The following GRM7 variants were observed in gnomAD, a reference collection of about 807,000 sequenced individuals.
GRM7 encodes the protein glutamate metabotropic receptor 7.
A neutral mutation model predicts 84.5 loss-of-function variants in GRM7; 35 were observed. The ratio of observed to expected loss-of-function variants is 0.41; its 90% CI spans 0.32 to 0.55. GRM7 has a LOEUF of 0.55. Among genes scored for constraint, GRM7 ranks in the 20% least tolerant of loss-of-function variants. GRM7 has a pLI of 0.19. For synonymous variants in GRM7, 487 were observed against 455.1 expected, an observed-to-expected ratio of 1.07 and a Z score of -0.89; for missense variants, 1,003 against 1,194.6, an observed-to-expected ratio of 0.84 and a Z score of 2.36.
chr3:7,109,200 C>G (rs1284154156), intron 1 of GRM7, among the ~76,000 whole-genome samples: 2 of 151,866 alleles, frequency 1.3e-5, no homozygotes, highest in Non-Finnish European at 2.9e-5. Context: ...ATCATTATGT[C>G]TAATTGGAAC....
intron 4 of GRM7, among the ~76,000 whole-genome samples, chr3:7,378,299 A>C (rs1283581311): frequency 4.6e-5 from 7 of 152,214 alleles, no homozygotes; most frequent in Admixed American, 4.6e-4. Flanking sequence ...TGAAAGAAAA[A>C]GGCAGAGATG....
At chr3:7,251,945 A>G (rs1490262155) in intron 2 of GRM7, among the ~76,000 whole-genome samples, 1 of 152,240 alleles carries the variant, frequency 6.6e-6, no homozygotes, top group African/African-American at 2.4e-5. Flanking sequence ...AAACTCCAGT[A>G]GCCGGAAAAC....
chr3:7,675,186 A>G (rs573066957), intron 8 of GRM7, among the ~76,000 whole-genome samples: 2 of 152,294 alleles, frequency 1.3e-5, no homozygotes, highest in East Asian at 3.9e-4. Context: ...GTTTTTCCTG[A>G]TAGTTCTAGT....
chr3:7,080,346 G>A (rs983479499), intron 1 of GRM7, among the ~76,000 whole-genome samples: 18 of 151,850 alleles, frequency 1.2e-4, no homozygotes, highest in African/African-American at 4.3e-4. Context: ...CAGTCTCCTC[G>A]CTGTGTACTC....
At chr3:6,923,241 C>A (rs935125522) in intron 1 of GRM7, among the ~76,000 whole-genome samples, 5 of 152,012 alleles carry the variant, frequency 3.3e-5, no homozygotes, top group Admixed American at 3.3e-4. Context: ...TCTCGGACTT[C>A]TGACCTCAGA....
At chr3:7,316,297 G>A (rs1001465248) in intron 4 of GRM7, among the ~76,000 whole-genome samples, 1 of 152,106 alleles carries the variant, frequency 6.6e-6, no homozygotes, top group Non-Finnish European at 1.5e-5. Flanking sequence ...TGTAGGGTTT[G>A]AGCACAGGAA....
chr3:7,608,249 G>A (rs890100954), intron 8 of GRM7, among the ~76,000 whole-genome samples: 4 of 152,120 alleles, frequency 2.6e-5, no homozygotes, highest in African/African-American at 9.7e-5. Context: ...TATAAACCCA[G>A]TAATGAGATT....
chr3:7,215,788 T>A (rs1269054731), intron 2 of GRM7, among the ~76,000 whole-genome samples: 1 of 152,312 alleles, frequency 6.6e-6, no homozygotes, highest in East Asian at 1.9e-4. Context: ...ACAAATGTAG[T>A]TGTGAATGAA....
In GRM7 at chr3:6,862,817, C is replaced by G. The variant is rs922345208; in HGVS notation, c.519+910C>G. On this transcript the variant is annotated intron_variant, in intron 1 of 9. Transcript: ENST00000357716. This position sits in a 1 kb window ranked among gnomAD's most constrained non-coding sequence, Gnocchi z 5.2. ...ATTCCCGGAGCGAGGCATGAAGGCG[C>G]CCGTTGGGAGGCAGAGGGGTGCGTG... 10 of 303,048 alleles carry G rather than the reference C, an allele frequency of 3.3e-5. No individual in the cohort carries two copies. The highest frequency in any genetic ancestry group is 4.7e-5 in the Admixed American group (1 of 21,162). 18.8% of individuals were successfully genotyped at this position (303,048 alleles called of 1,614,324 possible).
chr3:6,873,290 C>G (rs1015890175), intron 1 of GRM7, among the ~76,000 whole-genome samples: 15 of 152,140 alleles, frequency 9.9e-5, no homozygotes, highest in Non-Finnish European at 8.8e-5. Flanking sequence ...CCAGGCTGGT[C>G]CCGAACTCCT....
At position 7,543,708 on chromosome 3, in the gene GRM7, TAGG is replaced by T. The variant is rs1693006579; in HGVS notation, c.1516-34708_1516-34706del. 2.0e-5 allele frequency among the ~76,000 whole-genome samples: 3 copies of T among 152,314 alleles called. No homozygotes were observed. In the South Asian group the frequency reaches 6.2e-4, roughly 32 times the overall value. On this transcript the variant is annotated intron_variant, in intron 7 of 9. Transcript: ENST00000357716. ...GAAGGAAGATTTTGTCAGAATTTAA[TAGG>T]AGGAGAGAATTCTATAGATAGACCT...
At chr3:6,968,438 G>C (rs1032676) in intron 1 of GRM7, among the ~76,000 whole-genome samples, 9,143 of 152,228 alleles carry the variant, frequency 0.06, 531 homozygotes, top group African/African-American at 0.14. Context: ...TATATTTTTG[G>C]AGGGACATAA....
chr3:7,013,648 G>T (rs866846265), intron 1 of GRM7, among the ~76,000 whole-genome samples: 3 of 152,074 alleles, frequency 2.0e-5, no homozygotes, highest in East Asian at 1.9e-4. Flanking sequence ...TAGCGTGGTG[G>T]TGCGTGCCTG....
chr3:7,435,851 C>CTTTTTTTTTT (rs34860272), intron 5 of GRM7, among the ~76,000 whole-genome samples: 227 of 89,254 alleles, frequency 2.5e-3, no homozygotes, highest in Non-Finnish European at 3.4e-3. Flanking sequence ...CCACACCCAT[C>CTTTTTTTTTT]TTTTTTTTTT....
chr3:7,660,162 C>CAAAGGTAAACTGTAATTTTTTTAATGGTG, intron 8 of GRM7, among the ~76,000 whole-genome samples: 1 of 152,176 alleles, frequency 6.6e-6, no homozygotes, highest in Non-Finnish European at 1.5e-5. Flanking sequence ...TTCCCAGTTG[C>CAAAGGTAAACTGTAATTTTTTTAATGGTG]AAAGGTAAAC....
At chr3:7,612,658 G>A (rs891879818) in intron 8 of GRM7, among the ~76,000 whole-genome samples, 1 of 152,192 alleles carries the variant, frequency 6.6e-6, no homozygotes, top group African/African-American at 2.4e-5. Context: ...TGGCATCAGA[G>A]GGAAGAATTA....
At chr3:7,237,492 C>T (rs554921089) in intron 2 of GRM7, among the ~76,000 whole-genome samples, 10 of 152,206 alleles carry the variant, frequency 6.6e-5, no homozygotes, top group Admixed American at 1.3e-4. Flanking sequence ...AAGCCGTGGA[C>T]GCTCGTGGTG....
intron 1 of GRM7, among the ~76,000 whole-genome samples, chr3:7,070,520 T>C (rs907619299): frequency 2.6e-5 from 4 of 152,140 alleles, no homozygotes; most frequent in Admixed American, 6.6e-5. Flanking sequence ...CAAATACTAT[T>C]CTAATGTGAG....
chr3:7,375,980 A>G (rs986853919), intron 4 of GRM7, among the ~76,000 whole-genome samples: 24 of 152,202 alleles, frequency 1.6e-4, no homozygotes, highest in Non-Finnish European at 5.9e-5. Context: ...CACTTGCTTT[A>G]TAACCCAAGT....
Sources: allele counts gnomAD v4.1 joint callset (sites outside exome capture counted in the v4.1 genomes callset), GRCh38; gene constraint gnomAD v4.1.1; non-coding constraint Gnocchi (gnomAD v3.1); transcripts MANE v1.5; gene names NCBI Gene and HGNC (gene_info 2026-07-23, HGNC 2026-07-21).